The following MARCHF1 variants were observed in gnomAD, a reference collection of about 807,000 sequenced individuals.
MARCHF1 encodes membrane associated ring-CH-type finger 1.
In MARCHF1, 40 loss-of-function variants were observed where a neutral mutation model predicts 54.2. That is an observed-to-expected ratio of 0.74 (90% CI 0.57 to 0.96). The LOEUF is 0.96. Ranked by LOEUF, MARCHF1 falls within the 40% of genes least tolerant of loss-of-function variation. The pLI is 0.00. For synonymous variants in MARCHF1, 236 were observed against 236.3 expected (o/e 1.00, Z 0.01); for missense variants, 586 against 656.5 (o/e 0.89, Z 1.17).
At chr4:164,153,150 T>C (rs1048621386) in intron 1 of MARCHF1, among the ~76,000 whole-genome samples, 1 of 152,164 alleles carries the variant, frequency 6.6e-6, no homozygotes, top group Non-Finnish European at 1.5e-5. Flanking sequence ...ACTGGCATTT[T>C]AGGTGAAAAT....
intron 1 of MARCHF1, among the ~76,000 whole-genome samples, chr4:164,202,437 T>C (rs1731480771): frequency 6.6e-6 from 1 of 152,186 alleles, no homozygotes; most frequent in African/African-American, 2.4e-5. Flanking sequence ...TGGAGTATGT[T>C]GGTAAGGAAA....
At chr4:163,806,913 A>G (rs1323981452) in intron 4 of MARCHF1, among the ~76,000 whole-genome samples, 2 of 152,218 alleles carry the variant, frequency 1.3e-5, no homozygotes, top group Non-Finnish European at 2.9e-5. Flanking sequence ...GTGAAAAAAA[A>G]GTACTAAAAA....
At chr4:163,569,993 T>C (rs1739787999) in intron 8 of MARCHF1, among the ~76,000 whole-genome samples, 1 of 152,188 alleles carries the variant, frequency 6.6e-6, no homozygotes, top group Non-Finnish European at 1.5e-5. Flanking sequence ...AATGAACTCC[T>C]GAAGAGGTTT....
At chr4:164,317,185 T>C (rs1198937912) in intron 1 of MARCHF1, among the ~76,000 whole-genome samples, 3 of 152,226 alleles carry the variant, frequency 2.0e-5, no homozygotes, top group Non-Finnish European at 4.4e-5. Context: ...AATTATATTA[T>C]GTGCAAATTA....
At chr4:164,256,508 A>G (rs1206368190) in intron 1 of MARCHF1, among the ~76,000 whole-genome samples, 1 of 151,738 alleles carries the variant, frequency 6.6e-6, no homozygotes, top group East Asian at 1.9e-4. Flanking sequence ...CTAACAAAAT[A>G]AAAGGCATTG....
intron 4 of MARCHF1, among the ~76,000 whole-genome samples, chr4:163,770,230 T>A (rs188726879): frequency 6.6e-6 from 1 of 152,292 alleles, no homozygotes; most frequent in African/African-American, 2.4e-5. Flanking sequence ...AATTTTTGAC[T>A]GCATAGGGGC....
chr4:163,726,954 A>AT (rs1426006181), intron 4 of MARCHF1, among the ~76,000 whole-genome samples: 2 of 152,068 alleles, frequency 1.3e-5, no homozygotes, highest in African/African-American at 2.4e-5. Flanking sequence ...TTCTTTGTGC[A>AT]TTTTGGGTAA....
At chr4:163,824,244 G>A (rs376730556) in intron 4 of MARCHF1, among the ~76,000 whole-genome samples, 6 of 151,980 alleles carry the variant, frequency 3.9e-5, no homozygotes. Context: ...TAAAGTCCTA[G>A]GCTAGGCTTA....
chr4:164,244,109 G>A (rs1196801418), intron 1 of MARCHF1, among the ~76,000 whole-genome samples: 14 of 151,554 alleles, frequency 9.2e-5, no homozygotes, highest in African/African-American at 2.7e-4. Flanking sequence ...AAGCGGACCT[G>A]ATAGACATCT....
At chr4:164,200,500 T>C (rs1731423284) in intron 1 of MARCHF1, among the ~76,000 whole-genome samples, 1 of 152,216 alleles carries the variant, frequency 6.6e-6, no homozygotes, top group African/African-American at 2.4e-5. Context: ...TTTTTCAGGG[T>C]ACAGTCCTAT....
At chr4:163,764,289 T>C (rs919270428) in intron 4 of MARCHF1, among the ~76,000 whole-genome samples, 1 of 152,046 alleles carries the variant, frequency 6.6e-6, no homozygotes, top group Non-Finnish European at 1.5e-5. Flanking sequence ...GGATAACTAG[T>C]AGACAGAAGA....
At chr4:163,906,091 T>C in intron 3 of MARCHF1, among the ~76,000 whole-genome samples, 1 of 152,168 alleles carries the variant, frequency 6.6e-6, no homozygotes, top group South Asian at 2.1e-4. Flanking sequence ...CATGGAGAAA[T>C]ATTATTATAC....
intron 8 of MARCHF1, among the ~76,000 whole-genome samples, chr4:163,570,872 C>T (rs1739819516): frequency 6.6e-6 from 1 of 152,014 alleles, no homozygotes; most frequent in African/African-American, 2.4e-5. Context: ...TTACCATATC[C>T]CTCAGTACTG....
intron 1 of MARCHF1, among the ~76,000 whole-genome samples, chr4:164,368,234 T>C (rs1319473588): frequency 6.6e-6 from 1 of 151,294 alleles, no homozygotes; most frequent in African/African-American, 2.4e-5. Context: ...TAATATCATA[T>C]AATTCTAGAT....
At chr4:163,853,707 C>A (rs994108081) in intron 4 of MARCHF1, among the ~76,000 whole-genome samples, 22 of 152,034 alleles carry the variant, frequency 1.4e-4, no homozygotes. Context: ...GGTTTCATTA[C>A]GCAGTATAGA....
intron 1 of MARCHF1, among the ~76,000 whole-genome samples, chr4:164,133,441 A>T (rs898838647): frequency 1.3e-5 from 2 of 152,206 alleles, no homozygotes; most frequent in African/African-American, 4.8e-5. Flanking sequence ...GTGAACTTGC[A>T]CAAGAAAAAT....
chr4:163,864,081 A>G (rs1749999483), intron 3 of MARCHF1, among the ~76,000 whole-genome samples: 1 of 152,054 alleles, frequency 6.6e-6, no homozygotes, highest in Admixed American at 6.6e-5. Flanking sequence ...CAGAACTGTC[A>G]TTTCTCTGCT....
chr4:163,576,404 C>T (rs760496349), intron 8 of MARCHF1, among the ~76,000 whole-genome samples: 8 of 151,870 alleles, frequency 5.3e-5, no homozygotes, highest in Admixed American at 3.3e-4. Flanking sequence ...TTCAATAGTA[C>T]GGTTGGTATG....
At chr4:163,721,687 A>C (rs974109349) in intron 4 of MARCHF1, among the ~76,000 whole-genome samples, 4 of 152,080 alleles carry the variant, frequency 2.6e-5, no homozygotes, top group African/African-American at 9.7e-5. Flanking sequence ...TAGGCTATTA[A>C]TTATTGCCTC....
Sources: allele counts gnomAD v4.1 joint callset (sites outside exome capture counted in the v4.1 genomes callset), GRCh38; gene constraint gnomAD v4.1.1; transcripts MANE v1.5; gene names NCBI Gene and HGNC (gene_info 2026-07-23, HGNC 2026-07-21).